MRTFB: variants seen among roughly 807,000 people sequenced by gnomAD.
The protein encoded by MRTFB is myocardin related transcription factor B, also known as myocardin-related transcription factor B.
In MRTFB, 29 loss-of-function variants were observed where a neutral mutation model predicts 104.2. The ratio of observed to expected loss-of-function variants is 0.28; its 90% CI spans 0.21 to 0.38. The LOEUF (loss-of-function observed/expected upper bound fraction) is 0.38. Among genes scored for constraint, MRTFB ranks in the 10% least tolerant of loss-of-function variants. The probability of loss-of-function intolerance (pLI) is 1.00; values close to 1 mark genes in which losing one functional copy is unlikely to be tolerated. For missense variants in MRTFB, 1,270 were observed against 1,341.6 expected, an observed-to-expected ratio of 0.95 and a Z score of 0.83; for synonymous variants, 535 against 519.5, an observed-to-expected ratio of 1.03 and a Z score of -0.41.
intron 2 of MRTFB, among the ~76,000 whole-genome samples, chr16:14,102,655 A>T (rs1435630361): frequency 6.6e-6 from 1 of 152,242 alleles, no homozygotes; most frequent in African/African-American, 2.4e-5. Context: ...CCATGTGTTT[A>T]TACTTGCTTT....
intron 2 of MRTFB, among the ~76,000 whole-genome samples, chr16:14,095,130 A>T (rs2142001822): frequency 6.6e-6 from 1 of 152,350 alleles, no homozygotes; most frequent in East Asian, 1.9e-4. Flanking sequence ...AGTGCATGGA[A>T]GGTAAATTGT....
At chr16:14,239,218 T>G (rs2042656474) in intron 9 of MRTFB, among the ~76,000 whole-genome samples, 1 of 152,230 alleles carries the variant, frequency 6.6e-6, no homozygotes, top group Non-Finnish European at 1.5e-5. Context: ...TAAGCATATA[T>G]GGTATCATCC....
chr16:14,223,033 G>A (rs2041809888), intron 8 of MRTFB, among the ~76,000 whole-genome samples: 1 of 152,108 alleles, frequency 6.6e-6, no homozygotes, highest in Non-Finnish European at 1.5e-5. Flanking sequence ...AAGGCAGGGT[G>A]CAGTGTCTCA....
intron 5 of MRTFB, among the ~76,000 whole-genome samples, chr16:14,213,036 A>G (rs2041261859): frequency 6.6e-6 from 1 of 152,244 alleles, no homozygotes; most frequent in Non-Finnish European, 1.5e-5. Context: ...GAATTTTTCT[A>G]GAATGCAATA....
chr16:14,057,266 G>GA, the MRTFB span, among the ~76,000 whole-genome samples: 30 of 149,918 alleles, frequency 2.0e-4, 1 homozygote, highest in South Asian at 8.5e-4. Flanking sequence ...CATATTTCCG[G>GA]AAAAAAAAAA....
At chr16:13,995,181 G>T in the MRTFB span, among the ~76,000 whole-genome samples, 2 of 152,210 alleles carry the variant, frequency 1.3e-5, no homozygotes, top group Admixed American at 6.5e-5. Flanking sequence ...ATGTCCCCCA[G>T]TAAGGAGGCC....
chr16:14,110,043 G>T (rs2036190795), intron 2 of MRTFB, among the ~76,000 whole-genome samples: 1 of 152,190 alleles, frequency 6.6e-6, no homozygotes, highest in South Asian at 2.1e-4. Context: ...TCATTTTAAT[G>T]ATCCTTAGAG....
the MRTFB span, among the ~76,000 whole-genome samples, chr16:14,019,771 G>A: frequency 2.0e-5 from 3 of 152,056 alleles, no homozygotes; most frequent in Non-Finnish European, 2.9e-5. Context: ...AGCGTTAATC[G>A]ATCCCGCTGA....
intron 2 of MRTFB, among the ~76,000 whole-genome samples, chr16:14,105,601 G>A (rs1386791266): frequency 3.9e-5 from 6 of 152,066 alleles, no homozygotes; most frequent in Admixed American, 1.3e-4. Context: ...GTCTCACTGT[G>A]TTGCCCAGGC....
rs201780413 is a variant in MRTFB, at chr16:14,256,900, ACAG to A, written c.2704-1197_2704-1195del. Among the ~76,000 whole-genome samples the A allele has an allele frequency of 3.3e-5, 5 of 152,382 alleles. No individual in the cohort carries two copies. In the East Asian group the frequency reaches 9.6e-4, roughly 29 times the overall value. ...GGAAAAAGATAGACCATGCAAACAG[ACAG>A]CAGAAGAAATCTGCAGTAGCCAGAA... On this transcript the variant is annotated intron_variant, in intron 15 of 16. Coordinates refer to ENST00000571589, the MANE Select transcript of MRTFB (RefSeq NM_001308142.2).
intron 8 of MRTFB, among the ~76,000 whole-genome samples, chr16:14,231,926 T>C (rs2042286388): frequency 1.3e-5 from 2 of 152,232 alleles, no homozygotes; most frequent in African/African-American, 2.4e-5. Context: ...CAACAATCAC[T>C]GTATTTCAGT....
the MRTFB span, among the ~76,000 whole-genome samples, chr16:14,005,136 A>G: frequency 1.3e-5 from 2 of 152,254 alleles, no homozygotes; most frequent in Non-Finnish European, 2.9e-5. Context: ...GCCTCCAGGA[A>G]CTGATGAACA....
In MRTFB at chr16:14,260,940, T is replaced by C. The variant is rs2043750158; in HGVS notation, c.2796T>C (p.Ser932=). 6.2e-7 allele frequency: 1 copy of C among 1,611,308 alleles called. No individual in the cohort carries two copies. Among genetic ancestry groups the C allele is most frequent in the East Asian group, 2.2e-5 (1 of 44,836 alleles). The part of the protein sequence containing the change: ...EISLPIKEEP[S]PISKMRPVTA... The stretch of plus-strand genomic sequence containing the variant: ...CCCTCCCCATAAAAGAAGAACCTTC[T>C]CCTATTTCCAAAATGAGACCAGTGA... Residue 932 remains serine (S), a synonymous_variant, in exon 17 of 17, where the codon TCT becomes TCC. Coordinates refer to ENST00000571589, the MANE Select transcript of MRTFB (RefSeq NM_001308142.2).
intron 9 of MRTFB, among the ~76,000 whole-genome samples, chr16:14,236,704 G>A (rs973207435): frequency 2.4e-4 from 36 of 152,304 alleles, no homozygotes; most frequent in Middle Eastern, 6.8e-3. Flanking sequence ...AGCAATGGCC[G>A]AGGCAGACAG....
chr16:14,088,332 G>A (rs1303540288), intron 2 of MRTFB, among the ~76,000 whole-genome samples: 1 of 152,186 alleles, frequency 6.6e-6, no homozygotes, highest in African/African-American at 2.4e-5. Flanking sequence ...TTAAAGAGCA[G>A]AAGGGCTCAA....
At chr16:13,997,589 G>A in the MRTFB span, among the ~76,000 whole-genome samples, 4 of 151,282 alleles carry the variant, frequency 2.6e-5, no homozygotes, top group Admixed American at 6.6e-5. Context: ...GAGCCCAGGG[G>A]TTCAAACCAG....
intron 3 of MRTFB, among the ~76,000 whole-genome samples, chr16:14,174,419 A>G (rs2039517452): frequency 1.3e-5 from 2 of 152,162 alleles, no homozygotes; most frequent in Admixed American, 1.3e-4. Context: ...ACGTTGGCTT[A>G]CGCTTGTAAT....
At chr16:14,070,596 A>G (rs2033624789), upstream of MRTFB, among the ~76,000 whole-genome samples, 1 of 152,222 alleles carries the variant, frequency 6.6e-6, no homozygotes. Context: ...TTGTAAAGTG[A>G]GGGAGAAGCA....
At chr16:14,193,979 C>T (rs912929483) in intron 3 of MRTFB, among the ~76,000 whole-genome samples, 10 of 152,096 alleles carry the variant, frequency 6.6e-5, no homozygotes, top group East Asian at 3.8e-4. Flanking sequence ...TTACAGTTTT[C>T]GACTTAAACC....
Sources: allele counts gnomAD v4.1 joint callset (sites outside exome capture counted in the v4.1 genomes callset), GRCh38; gene constraint gnomAD v4.1.1; transcripts MANE v1.5; gene names NCBI Gene and HGNC (gene_info 2026-07-23, HGNC 2026-07-21).